PARD3B: variants seen among roughly 807,000 people sequenced by gnomAD.
PARD3B encodes the protein par-3 family cell polarity regulator beta, also known as partitioning defective 3 homolog B.
Under a neutral mutation model 130.2 loss-of-function variants are expected in PARD3B, and 103 were observed. The ratio of observed to expected loss-of-function variants is 0.79; its 90% confidence interval spans 0.67 to 0.93. PARD3B has a LOEUF of 0.93. Ranked by LOEUF, PARD3B falls within the 40% of genes least tolerant of loss-of-function variation. PARD3B has a pLI of 0.00. For synonymous variants in PARD3B, 583 were observed against 553.2 expected, an observed-to-expected ratio of 1.05 and a Z score of -0.76; for missense variants, 1,609 against 1,499.2, an observed-to-expected ratio of 1.07 and a Z score of -1.21.
At chr2:204,893,071 A>G (rs1034930021) in intron 2 of PARD3B, among the ~76,000 whole-genome samples, 1 of 152,182 alleles carries the variant, frequency 6.6e-6, no homozygotes, top group Non-Finnish European at 1.5e-5. Context: ...AGCCCAGGAC[A>G]TTCCAGTATC....
rs542490714 is a variant in PARD3B at position 204,996,952 on chromosome 2, G to A, written c.394+31629G>A. ...CCCTGCTTCGGCTCGCACATGGTGC[G>A]CGCACACACTGGCCTGCGCCCACTG... On this transcript the variant is annotated intron_variant, in intron 3 of 22. Transcript: ENST00000406610. Among the ~76,000 whole-genome samples the A allele has an allele frequency of 7.4e-4, 112 of 152,106 alleles. 1 individual carries two copies. Among genetic ancestry groups the A allele is most frequent in the Admixed American group, 4.1e-3 (63 of 15,282 alleles).
chr2:205,110,940 T>C (rs1016277237), intron 5 of PARD3B, among the ~76,000 whole-genome samples: 8 of 152,264 alleles, frequency 5.3e-5, no homozygotes, highest in Admixed American at 3.3e-4. Context: ...GTGTTTCTCT[T>C]CCATGAAGAG....
intron 21 of PARD3B, among the ~76,000 whole-genome samples, chr2:205,543,346 C>T (rs867873884): frequency 6.6e-6 from 1 of 152,126 alleles, no homozygotes; most frequent in Non-Finnish European, 1.5e-5. Flanking sequence ...AATATTAATG[C>T]CTCCAGCTAT....
In PARD3B at chr2:205,292,883, A is replaced by G. The variant is rs1344708459; in HGVS notation, c.2186-7647A>G. On this transcript the variant is annotated intron_variant, in intron 16 of 22. Transcript: ENST00000406610. The surrounding 1 kb of genome is among the most constrained non-coding windows in gnomAD (Gnocchi z 5.3). ...GACCAAGCACAGTTATGAGCCACAA[A>G]AAATACCCAGTAAATAATTGTCAAC... 1.3e-5 allele frequency among the ~76,000 whole-genome samples: 2 copies of G among 152,220 alleles called. No individual in the cohort carries two copies. Among genetic ancestry groups the G allele is most frequent in the East Asian group, 3.9e-4 (2 of 5,192 alleles).
chr2:205,532,532 A>G (rs1438462137), intron 21 of PARD3B, among the ~76,000 whole-genome samples: 1 of 152,238 alleles, frequency 6.6e-6, no homozygotes, highest in East Asian at 1.9e-4. Flanking sequence ...ACACTGTTAC[A>G]AGCCACACCT....
intron 2 of PARD3B, among the ~76,000 whole-genome samples, chr2:204,787,556 A>G (rs531586866): frequency 3.3e-4 from 50 of 152,322 alleles, no homozygotes; most frequent in African/African-American, 1.1e-3. Flanking sequence ...GAGAGTCGAC[A>G]TGATACTAGC....
Position 205,211,236 on chromosome 2 carries a change from A to T in PARD3B, c.2140+17916A>T, listed in dbSNP as rs1347736272. Among the ~76,000 whole-genome samples, 4 of 152,210 alleles carry T rather than the reference A, an allele frequency of 2.6e-5. No homozygotes were observed. In the South Asian group the frequency reaches 8.3e-4, roughly 32 times the overall value. ...TATTAGTACAAAGACTGGCATCACC[A>T]TAAACACCTACTCTGCTTTTATAAG... On this transcript the variant is annotated intron_variant, in intron 15 of 22. Coordinates refer to ENST00000406610, the MANE Select transcript of PARD3B (RefSeq NM_001302769.2).
intron 2 of PARD3B, among the ~76,000 whole-genome samples, chr2:204,872,449 T>C (rs2045667116): frequency 6.6e-6 from 1 of 152,198 alleles, no homozygotes; most frequent in African/African-American, 2.4e-5. Context: ...ATCTTATCCA[T>C]GCCTACAGAG....
intron 19 of PARD3B, among the ~76,000 whole-genome samples, chr2:205,420,292 A>T (rs2046923829): frequency 6.6e-6 from 1 of 152,156 alleles, no homozygotes; most frequent in Non-Finnish European, 1.5e-5. Flanking sequence ...TATTCCTAAC[A>T]ATTGCTATGT....
At chr2:204,775,854 G>T (rs1273338485) in intron 2 of PARD3B, among the ~76,000 whole-genome samples, 1 of 152,040 alleles carries the variant, frequency 6.6e-6, no homozygotes, top group Non-Finnish European at 1.5e-5. Context: ...AAATTAGGGA[G>T]GCTAATTTTT....
At position 205,171,262 on chromosome 2, in the gene PARD3B, C is replaced by T. The variant is rs183782976; in HGVS notation, c.1621-949C>T. On this transcript the variant is annotated intron_variant, in intron 11 of 22. Coordinates refer to ENST00000406610, the MANE Select transcript of PARD3B (RefSeq NM_001302769.2). The stretch of plus-strand genomic sequence containing the variant: ...AGTGTAGAATAGGTAGAGAGCATAT[C>T]CCCTGAGTCTGGCTGTCAACATTTC... Among the ~76,000 whole-genome samples the T allele has an allele frequency of 3.9e-5, 6 of 152,124 alleles. No homozygotes were observed. The East Asian group carries it at 1.2e-3, about 30-fold the overall frequency.
intron 15 of PARD3B, among the ~76,000 whole-genome samples, chr2:205,242,611 G>T (rs76459112): frequency 6.6e-6 from 1 of 152,058 alleles, no homozygotes; most frequent in Non-Finnish European, 1.5e-5. Flanking sequence ...CCTAGTGCCC[G>T]GCTGAAGCAT....
At position 204,998,333 on chromosome 2, in the gene PARD3B, T is replaced by TAC. The variant is rs1481872420; in HGVS notation, c.394+33011_394+33012insCA. Reference sequence around the variant, plus strand: ...TAAAGTATATATATATATATATATATATATATATATATATATATATATATA... The same window carrying TAC: ...TAAAGTATATATATATATATATATATACATATATATATATATATATATATATA... On this transcript the variant is annotated intron_variant, in intron 3 of 22. Transcript: ENST00000406610. Among the ~76,000 whole-genome samples the TAC allele has an allele frequency of 3.5e-3, 135 of 39,028 alleles. 4 individuals carry two copies. The East Asian group carries it at 0.049, about 14-fold the overall frequency. The allele number at this position is 39,028 out of a possible 152,430, so 25.6% of individuals were successfully genotyped here. A position where few individuals can be genotyped will look rare whatever the true frequency, so the allele number is the denominator to read the frequency against.
rs977430030 is a variant in PARD3B, at chr2:205,463,361, G to A, written c.3044+22689G>A. Among the ~76,000 whole-genome samples the A allele has an allele frequency of 6.6e-6, 1 of 151,522 alleles. No homozygotes were observed. The highest frequency in any genetic ancestry group is 1.9e-4 in the East Asian group (1 of 5,152). Reference sequence around the variant, plus strand: ...GGGCATCCAGAGTAGCCATGGCCTGGCCAGGCACTGCCTTGCGGCCCTTCC... The same window carrying A: ...GGGCATCCAGAGTAGCCATGGCCTGACCAGGCACTGCCTTGCGGCCCTTCC... On this transcript the variant is annotated intron_variant, in intron 20 of 22. Transcript: ENST00000406610. The surrounding 1 kb of genome is among the most constrained non-coding windows in gnomAD (Gnocchi z 4.8).
chr2:204,751,471 A>G (rs1301122806), intron 2 of PARD3B, among the ~76,000 whole-genome samples: 2 of 152,226 alleles, frequency 1.3e-5, no homozygotes, highest in African/African-American at 4.8e-5. Context: ...TTGGGCAAAG[A>G]GGAGAAATAT....
chr2:204,628,696 C>T (rs1010892313), intron 1 of PARD3B, among the ~76,000 whole-genome samples: 1 of 152,010 alleles, frequency 6.6e-6, no homozygotes, highest in Non-Finnish European at 1.5e-5. Context: ...TAACTAAAAC[C>T]TTGCCAGTAT....
intron 10 of PARD3B, among the ~76,000 whole-genome samples, chr2:205,154,431 AC>A (rs1010883272): frequency 1.1e-3 from 174 of 152,336 alleles, no homozygotes; most frequent in Middle Eastern, 3.4e-3. Flanking sequence ...AAATAGGGAC[AC>A]TTTTACACTG....
chr2:205,482,267 A>G (rs2049266535), intron 20 of PARD3B, among the ~76,000 whole-genome samples: 1 of 152,160 alleles, frequency 6.6e-6, no homozygotes. Flanking sequence ...ATTAGATTGG[A>G]GCAGTAGGAA....
At chr2:205,327,291 C>CT (rs2105757602) in intron 18 of PARD3B, among the ~76,000 whole-genome samples, 1 of 152,258 alleles carries the variant, frequency 6.6e-6, no homozygotes, top group East Asian at 1.9e-4. Flanking sequence ...TATATTTCAG[C>CT]TTTTCATTTT....
Sources: allele counts gnomAD v4.1 joint callset (sites outside exome capture counted in the v4.1 genomes callset), GRCh38; gene constraint gnomAD v4.1.1; non-coding constraint Gnocchi (gnomAD v3.1); transcripts MANE v1.5; gene names NCBI Gene and HGNC (gene_info 2026-07-23, HGNC 2026-07-21).